Variants in GRM1 observed in about 807,000 individuals in gnomAD.
The protein encoded by GRM1 is glutamate metabotropic receptor 1.
In GRM1, 33 loss-of-function variants were observed where a neutral mutation model predicts 90.9. The ratio of observed to expected loss-of-function variants is 0.36; its 90% CI spans 0.28 to 0.49. The LOEUF (loss-of-function observed/expected upper bound fraction) is 0.49. GRM1 is among the 20% of genes least tolerant of loss of function. The pLI, the probability that GRM1 is intolerant of heterozygous loss-of-function variation, is 0.99. For synonymous variants in GRM1, 700 were observed against 613.2 expected (o/e 1.14, Z -2.09); for missense variants, 1,190 against 1,534.3 (o/e 0.78, Z 3.75).
At chr6:146,249,129 T>C (rs578042803) in intron 2 of GRM1, among the ~76,000 whole-genome samples, 2 of 152,284 alleles carry the variant, frequency 1.3e-5, no homozygotes, top group Non-Finnish European at 2.9e-5. Context: ...AAGCAGAGCA[T>C]AAAGATTTAT....
chr6:146,304,760 G>C lies in GRM1; in HGVS notation c.1100G>C (p.Trp367Ser), dbSNP rs1783516315. ...LRLDTNTRNPWFPEFWQHRFQ... is the reference protein window; with the variant it reads ...LRLDTNTRNPSFPEFWQHRFQ... ...CTGGACACTAACACGAGGAATCCCT[G>C]GTTCCCTGAGTTCTGGCAACATCGG... The change falls in exon 3 of 8, where the codon TGG (tryptophan) becomes TCG (serine). Residue 367 changes from tryptophan to serine, a missense_variant. Physicochemically the swap from Trp to Ser is radical, Grantham distance 177 (BLOSUM62 -3). Transcript: ENST00000282753. 6.2e-7 allele frequency: 1 copy of C among 1,613,904 alleles called. No homozygotes were observed. Among genetic ancestry groups the C allele is most frequent in the Non-Finnish European group, 8.5e-7 (1 of 1,179,988 alleles).
chr6:146,047,832 A>G (rs542074238), intron 1 of GRM1, among the ~76,000 whole-genome samples: 33 of 152,164 alleles, frequency 2.2e-4, no homozygotes, highest in African/African-American at 7.0e-4. Context: ...ATCCAGAAGA[A>G]TGGTTATAAC....
intron 2 of GRM1, among the ~76,000 whole-genome samples, chr6:146,239,566 C>T (rs1300389385): frequency 2.6e-5 from 4 of 152,002 alleles, no homozygotes; most frequent in African/African-American, 9.7e-5. Flanking sequence ...TGATTTTATG[C>T]CAGTGTCTGT....
intron 2 of GRM1, among the ~76,000 whole-genome samples, chr6:146,225,001 G>T (rs1164146946): frequency 1.3e-5 from 2 of 152,048 alleles, no homozygotes; most frequent in Admixed American, 6.6e-5. Flanking sequence ...CCTTCAAATG[G>T]TTGTTTATGT....
chr6:146,418,259 T>C (rs1438625832), intron 7 of GRM1, among the ~76,000 whole-genome samples: 4 of 152,084 alleles, frequency 2.6e-5, no homozygotes, highest in Admixed American at 6.6e-5. Context: ...AAAGAAAATA[T>C]GTATGCAGCC....
chr6:146,107,388 C>A (rs1368901861), intron 1 of GRM1, among the ~76,000 whole-genome samples: 1 of 150,732 alleles, frequency 6.6e-6, no homozygotes, highest in South Asian at 2.1e-4. Context: ...TTTTAACATT[C>A]CTTGACTTAC....
intron 1 of GRM1, among the ~76,000 whole-genome samples, chr6:146,076,623 C>G (rs1031525980): frequency 6.6e-6 from 1 of 151,998 alleles, no homozygotes; most frequent in Non-Finnish European, 1.5e-5. Context: ...TATGCAGAAG[C>G]CAGTGGAGCA....
intron 2 of GRM1, among the ~76,000 whole-genome samples, chr6:146,212,760 C>G (rs1223836827): frequency 6.6e-6 from 1 of 152,090 alleles, no homozygotes; most frequent in Non-Finnish European, 1.5e-5. Context: ...AGCTGTATAC[C>G]CCCATTTGGA....
chr6:146,338,105 G>A (rs1056062103), intron 3 of GRM1, among the ~76,000 whole-genome samples: 1 of 152,190 alleles, frequency 6.6e-6, no homozygotes, highest in South Asian at 2.1e-4. Context: ...GTTATGCAAT[G>A]CTAGAAATAT....
intron 2 of GRM1, among the ~76,000 whole-genome samples, chr6:146,235,213 A>AT (rs560427422): frequency 6.6e-4 from 100 of 151,992 alleles, no homozygotes; most frequent in African/African-American, 2.1e-3. Context: ...TCACTTGACC[A>AT]TTTTTTTGTC....
chr6:146,269,370 A>T (rs1782029819), intron 2 of GRM1, among the ~76,000 whole-genome samples: 3 of 152,264 alleles, frequency 2.0e-5, no homozygotes. Context: ...TTCATGCTTC[A>T]TATGTCATTT....
chr6:146,392,539 C>G (rs944707897), intron 6 of GRM1, among the ~76,000 whole-genome samples: 1 of 151,974 alleles, frequency 6.6e-6, no homozygotes, highest in African/African-American at 2.4e-5. Context: ...TATATTATTT[C>G]TTTTTTAAAA....
At chr6:146,107,949 A>G (rs895693088) in intron 1 of GRM1, among the ~76,000 whole-genome samples, 1 of 152,170 alleles carries the variant, frequency 6.6e-6, no homozygotes, top group African/African-American at 2.4e-5. Context: ...TCTACTATCT[A>G]TCTCCAATTC....
intron 2 of GRM1, among the ~76,000 whole-genome samples, chr6:146,173,432 AAG>A (rs1778215526): frequency 6.6e-6 from 1 of 151,184 alleles, no homozygotes; most frequent in Non-Finnish European, 1.5e-5. Flanking sequence ...GAAAAAGAAA[AAG>A]AAAGAAAGAA....
intron 2 of GRM1, among the ~76,000 whole-genome samples, chr6:146,244,051 C>T (rs1224571473): frequency 6.6e-6 from 1 of 152,138 alleles, no homozygotes; most frequent in African/African-American, 2.4e-5. Context: ...CCCTTGTTCC[C>T]TGAACATAGC....
At chr6:146,102,036 C>T (rs1267243879) in intron 1 of GRM1, among the ~76,000 whole-genome samples, 2 of 152,060 alleles carry the variant, frequency 1.3e-5, no homozygotes, top group Non-Finnish European at 2.9e-5. Flanking sequence ...ACAGGGAAGT[C>T]AGCCTCATGC....
At chr6:146,365,540 T>G (rs1775646251) in intron 5 of GRM1, 2 of 152,232 alleles carry the variant, frequency 1.3e-5, no homozygotes, top group Admixed American at 6.5e-5. Context: ...TTGGTGGCAG[T>G]GATGTAAGTG....
chr6:146,182,537 C>T (rs1160271940), intron 2 of GRM1, among the ~76,000 whole-genome samples: 1 of 152,110 alleles, frequency 6.6e-6, no homozygotes, highest in African/African-American at 2.4e-5. Context: ...ACAACAATTA[C>T]TTGCCCTTTC....
chr6:146,434,363 T>A lies in GRM1; in HGVS notation c.3152T>A (p.Val1051Glu). The A allele has an allele frequency of 6.2e-7, 1 of 1,613,250 alleles. No individual in the cohort carries two copies. The highest frequency in any genetic ancestry group is 8.5e-7 in the Non-Finnish European group (1 of 1,179,510). Residue 1051 changes from valine to glutamate, a missense_variant, in exon 8 of 8, where the codon GTG becomes GAG. Coordinates refer to ENST00000282753, the MANE Select transcript of GRM1 (RefSeq NM_001278064.2). The stretch of plus-strand genomic sequence containing the variant: ...ACCGCGATCCCGGATTTTCACGCGG[T>A]GCTGGCAGGCCCCGGTGGTCCCGGG... ...FSTAIPDFHA[V>E]LAGPGGPGNG...
Sources: allele counts gnomAD v4.1 joint callset (sites outside exome capture counted in the v4.1 genomes callset), GRCh38; gene constraint gnomAD v4.1.1; transcripts MANE v1.5; gene names NCBI Gene and HGNC (gene_info 2026-07-23, HGNC 2026-07-21).